The following CD72 variants were observed in gnomAD, a reference collection of about 807,000 sequenced individuals.
The protein encoded by CD72 is CD72 molecule.
In CD72, 28 loss-of-function variants were observed where a neutral mutation model predicts 50.7. The ratio of observed to expected loss-of-function variants is 0.55; its 90% CI spans 0.41 to 0.76. The LOEUF (loss-of-function observed/expected upper bound fraction) is 0.76, where lower values mean the gene tolerates loss of function less well. Among genes scored for constraint, CD72 ranks in the 30% least tolerant of loss-of-function variants. CD72 has a pLI of 0.00. For missense variants in CD72, 403 were observed against 420.6 expected (o/e 0.96, Z 0.37); for synonymous variants, 176 against 171.2 (o/e 1.03, Z -0.22).
upstream of CD72, among the ~76,000 whole-genome samples, chr9:35,621,709 G>A (rs1823148224): frequency 6.6e-6 from 1 of 152,178 alleles, no homozygotes; most frequent in South Asian, 2.1e-4. Flanking sequence ...CCCATCATGG[G>A]AAGAAAGAGA....
At chr9:35,618,531 C>T (rs745671582), upstream of CD72, 6 of 1,027,926 alleles carry the variant, frequency 5.8e-6, no homozygotes, top group African/African-American at 1.6e-5. Flanking sequence ...AGAGGGGCCA[C>T]GGAGGGGACG....
chr9:35,618,415 C>T (rs1016344991), upstream of CD72: 15 of 1,554,544 alleles, frequency 9.6e-6, no homozygotes, highest in African/African-American at 5.4e-5. Context: ...TGTGACTGCA[C>T]GGCTTAGCAA....
At chr9:35,612,693 C>T in intron 6 of CD72, 155 bp downstream of exon 6, 1 of 702,470 alleles carries the variant, frequency 1.4e-6, no homozygotes, top group South Asian at 1.9e-5. Flanking sequence ...AGGTTGTTTC[C>T]AAGCTCAGAG....
At chr9:35,619,082 T>C (rs774289526), upstream of CD72, among the ~76,000 whole-genome samples, 5 of 152,086 alleles carry the variant, frequency 3.3e-5, 1 homozygote, top group Admixed American at 1.3e-4. Flanking sequence ...CCAGCGGAGG[T>C]CTTGACATTT....
chr9:35,628,383 G>C (rs969284932), intron 1 of CD72, among the ~76,000 whole-genome samples: 38 of 152,216 alleles, frequency 2.5e-4, no homozygotes, highest in Admixed American at 3.3e-4. Context: ...ACAAGGTCAG[G>C]AGCTCGAGAC....
chr9:35,631,400 T>C (rs1258693877), intron 1 of CD72, among the ~76,000 whole-genome samples: 4 of 152,244 alleles, frequency 2.6e-5, no homozygotes, highest in Non-Finnish European at 5.9e-5. Context: ...ATTTTTATTT[T>C]AATTGAAGTG....
chr9:35,619,458 A>T (rs1004037058), upstream of CD72: 2 of 152,236 alleles, frequency 1.3e-5, no homozygotes, highest in South Asian at 2.1e-4. Context: ...CGCCCCGCAG[A>T]ATCCCCCTCC....
chr9:35,611,969 T>G (rs774855933), intron 6 of CD72, 50 bp from the exon 7 acceptor site: 1 of 1,026,982 alleles, frequency 9.7e-7, no homozygotes, highest in Non-Finnish European at 1.5e-6. Context: ...TGATGAGAAA[T>G]ATGGAAGAAA....
intron 1 of CD72, among the ~76,000 whole-genome samples, chr9:35,628,749 T>G (rs1443138912): frequency 6.6e-6 from 1 of 152,222 alleles, no homozygotes; most frequent in East Asian, 1.9e-4. Flanking sequence ...GGTATATGAA[T>G]ACACCAGCCA....
chr9:35,630,734 CTG>C (rs1282359911), intron 1 of CD72, among the ~76,000 whole-genome samples: 1 of 152,160 alleles, frequency 6.6e-6, no homozygotes, highest in African/African-American at 2.4e-5. Flanking sequence ...ATCACTTAAT[CTG>C]TGTGTTCCTC....
At chr9:35,634,585 T>C (rs1014924739) in intron 1 of CD72, among the ~76,000 whole-genome samples, 1 of 152,188 alleles carries the variant, frequency 6.6e-6, no homozygotes, top group Non-Finnish European at 1.5e-5. Flanking sequence ...ACTCCTGACC[T>C]CAGGTGATCC....
In CD72 at chr9:35,615,984, A is replaced by G; in HGVS notation, c.647T>C (p.Met216Thr). The G allele has an allele frequency of 6.2e-7, 1 of 1,613,694 alleles. No homozygotes were observed. Among genetic ancestry groups the G allele is most frequent in the Non-Finnish European group, 8.5e-7 (1 of 1,179,930 alleles). The change falls in exon 5 of 9, where the codon ATG (methionine) becomes ACG (threonine). Residue 216 changes from methionine (M) to threonine (T), a missense_variant. By Grantham distance (81) the Met-to-Thr change is moderately conservative. Transcript: ENST00000259633. The stretch of plus-strand genomic sequence containing the variant: ...GAAGAAGGGCTTCAGTCTGTTCTCC[A>G]TGTTGCTCAGCTTCTGCTCCAAGGC... Reference protein sequence around the residue: ...RRALEQKLSNMENRLKPFFTC... With the variant: ...RRALEQKLSNTENRLKPFFTC...
intron 1 of CD72, chr9:35,642,807 C>T (rs141880342): frequency 6.6e-6 from 1 of 152,242 alleles, no homozygotes; most frequent in African/African-American, 2.4e-5. Flanking sequence ...GCCAAGGAAC[C>T]CTCTTAGTTG....
intron 1 of CD72, among the ~76,000 whole-genome samples, chr9:35,630,327 C>G (rs1189077089): frequency 6.6e-6 from 1 of 152,116 alleles, no homozygotes; most frequent in Non-Finnish European, 1.5e-5. Context: ...CATGAGCCAC[C>G]GCACCCGGCT....
At chr9:35,612,578 C>G (rs1229249786) in intron 6 of CD72, among the ~76,000 whole-genome samples, 1 of 150,244 alleles carries the variant, frequency 6.7e-6, no homozygotes, top group African/African-American at 2.5e-5. Context: ...GAGTGAGACT[C>G]TGTCTCAAAA....
intron 5 of CD72, among the ~76,000 whole-genome samples, chr9:35,614,018 C>CAA (rs779396827): frequency 1.6e-4 from 15 of 94,738 alleles, no homozygotes; most frequent in African/African-American, 3.6e-4. Context: ...GACTCCGCCT[C>CAA]AAAAAAAAAA....
At chr9:35,611,769 G>T in intron 7 of CD72, 35 bp downstream of exon 7, 1 of 1,073,176 alleles carries the variant, frequency 9.3e-7, no homozygotes, top group South Asian at 1.2e-5. Flanking sequence ...GGGGATTATG[G>T]AGTTGAAAAT....
chr9:35,642,465 A>G (rs1823348981), intron 1 of CD72: 1 of 152,232 alleles, frequency 6.6e-6, no homozygotes, highest in Admixed American at 6.5e-5. Context: ...TGCTGCCACT[A>G]TCCGTAAACA....
rs955865645 is a variant in CD72, at chr9:35,609,983, T to C, written c.*340A>G. 2 of 475,378 alleles carry C rather than the reference T, an allele frequency of 4.2e-6. No individual in the cohort carries two copies. The highest frequency in any genetic ancestry group is 7.8e-5 in the Admixed American group (2 of 25,552). The allele number at this position is 475,378 out of a possible 1,614,324, so 29.4% of individuals were successfully genotyped here. A position where few individuals can be genotyped will look rare whatever the true frequency, so the allele number is the denominator to read the frequency against. ...GACACATGAGACTAACACGTGCAAT[T>C]ATTTAAAAAGATTTCAATAAAACTG... On this transcript the variant is annotated 3_prime_UTR_variant, in exon 9 of 9. Transcript: ENST00000259633. This position sits in a 1 kb window ranked among gnomAD's most constrained non-coding sequence, Gnocchi z 6.7.
Sources: allele counts gnomAD v4.1 joint callset (sites outside exome capture counted in the v4.1 genomes callset), GRCh38; gene constraint gnomAD v4.1.1; non-coding constraint Gnocchi (gnomAD v3.1); transcripts MANE v1.5; gene names NCBI Gene and HGNC (gene_info 2026-07-23, HGNC 2026-07-21).